The following MCTP1 variants were observed in gnomAD, a reference collection of about 807,000 sequenced individuals.
MCTP1 encodes the protein multiple C2 and transmembrane domain-containing protein 1.
A neutral mutation model predicts 120.6 loss-of-function variants in MCTP1; 69 were observed. The observed-to-expected ratio is 0.57, with a 90% CI of 0.47 to 0.70. The LOEUF (loss-of-function observed/expected upper bound fraction) is 0.70. Ranked by LOEUF, MCTP1 falls within the 30% of genes least tolerant of loss-of-function variation. MCTP1 has a pLI of 0.00. For synonymous variants in MCTP1, 529 were observed against 493.1 expected (o/e 1.07, Z -0.96); for missense variants, 1,203 against 1,248.8 (o/e 0.96, Z 0.55).
intron 1 of MCTP1, among the ~76,000 whole-genome samples, chr5:95,155,360 T>G (rs949766844): frequency 2.6e-5 from 4 of 152,168 alleles, no homozygotes; most frequent in African/African-American, 4.8e-5. Flanking sequence ...AATGAAGGAT[T>G]TAGGCAAGAT....
At chr5:94,720,070 G>A (rs969734634) in intron 19 of MCTP1, among the ~76,000 whole-genome samples, 21 of 152,142 alleles carry the variant, frequency 1.4e-4, no homozygotes, top group Admixed American at 6.5e-4. Flanking sequence ...AGGTTGCGGT[G>A]AGCTGAGATC....
At chr5:94,749,162 AT>A (rs1767629780) in intron 19 of MCTP1, among the ~76,000 whole-genome samples, 1 of 152,136 alleles carries the variant, frequency 6.6e-6, no homozygotes, top group South Asian at 2.1e-4. Flanking sequence ...AGCCTGTAAA[AT>A]TTTTGCTAGG....
chr5:95,236,805 G>A (rs1055615531), intron 1 of MCTP1, among the ~76,000 whole-genome samples: 1 of 152,142 alleles, frequency 6.6e-6, no homozygotes, highest in Admixed American at 6.5e-5. Context: ...GTCATCCTGT[G>A]ACCATAGAGG....
At chr5:95,161,477 A>C (rs1256884871) in intron 1 of MCTP1, among the ~76,000 whole-genome samples, 1 of 152,122 alleles carries the variant, frequency 6.6e-6, no homozygotes, top group East Asian at 1.9e-4. Flanking sequence ...TGTTGATCAA[A>C]GGGTGCAAAG....
chr5:94,706,444 ATT>A lies in MCTP1; in HGVS notation c.*1050_*1051del. On this transcript the variant is annotated 3_prime_UTR_variant, in exon 23 of 23. Transcript: ENST00000515393. Reference sequence around the variant, plus strand: ...AGGTTTTCATGCATAATCAAGAATGATTTTTTTTAATAAATGAATGTAGTGAA... The same window carrying A: ...AGGTTTTCATGCATAATCAAGAATGATTTTTTAATAAATGAATGTAGTGAA... 6.6e-6 allele frequency: 1 copy of A among 151,396 alleles called. No homozygotes were observed. The highest frequency in any genetic ancestry group is 2.1e-4 in the South Asian group (1 of 4,814). The allele number at this position is 151,396 out of a possible 1,614,324, so 9.4% of individuals were successfully genotyped here.
chr5:94,921,134 A>T (rs974882168), intron 7 of MCTP1, among the ~76,000 whole-genome samples: 1 of 152,242 alleles, frequency 6.6e-6, no homozygotes, highest in Admixed American at 6.5e-5. Context: ...CACTGCACTA[A>T]GTTCCCACCT....
chr5:94,918,006 G>T (rs763296783), intron 7 of MCTP1, 33 bp from the exon 8 acceptor site: 13 of 1,568,284 alleles, frequency 8.3e-6, no homozygotes, highest in Middle Eastern at 1.7e-4. Flanking sequence ...AGCTGTACGG[G>T]GAAGCTTTGT....
intron 1 of MCTP1, among the ~76,000 whole-genome samples, chr5:95,130,517 G>GT (rs1317057658): frequency 1.3e-5 from 2 of 152,216 alleles, no homozygotes; most frequent in African/African-American, 2.4e-5. Context: ...ATTTTTCAGT[G>GT]TATTAGTTTG....
At chr5:94,870,049 A>G (rs1797536801) in intron 16 of MCTP1, among the ~76,000 whole-genome samples, 1 of 152,050 alleles carries the variant, frequency 6.6e-6, no homozygotes, top group Admixed American at 6.6e-5. Flanking sequence ...ATATATTTGT[A>G]CCTCAGCTTT....
chr5:95,081,531 C>A, intron 1 of MCTP1: 2 of 1,576,722 alleles, frequency 1.3e-6, no homozygotes, highest in Non-Finnish European at 1.7e-6. Flanking sequence ...GAGAGAACTG[C>A]ATATTTAGAC....
At chr5:94,768,407 A>G (rs1773293379) in intron 19 of MCTP1, among the ~76,000 whole-genome samples, 1 of 152,168 alleles carries the variant, frequency 6.6e-6, no homozygotes, top group African/African-American at 2.4e-5. Context: ...GACAAACAGG[A>G]CTATATTAGA....
chr5:95,225,097 C>A (rs1440922885), intron 1 of MCTP1, among the ~76,000 whole-genome samples: 2 of 151,958 alleles, frequency 1.3e-5, no homozygotes, highest in African/African-American at 2.4e-5. Flanking sequence ...AAATAAATTT[C>A]TCATCATTTC....
chr5:94,969,610 GA>G (rs1322822260), intron 2 of MCTP1, among the ~76,000 whole-genome samples: 1 of 151,874 alleles, frequency 6.6e-6, no homozygotes, highest in Non-Finnish European at 1.5e-5. Context: ...GGAGGAATAA[GA>G]AAAAAGACAA....
At chr5:95,271,114 A>G (rs1274728186) in intron 1 of MCTP1, among the ~76,000 whole-genome samples, 1 of 152,216 alleles carries the variant, frequency 6.6e-6, no homozygotes, top group Non-Finnish European at 1.5e-5. Context: ...CATCAGATAT[A>G]TGCTCCTAGA....
intron 19 of MCTP1, among the ~76,000 whole-genome samples, chr5:94,732,286 C>T (rs971576962): frequency 1.3e-5 from 2 of 152,120 alleles, no homozygotes; most frequent in African/African-American, 4.8e-5. Flanking sequence ...TGACTCAACA[C>T]AACTTCGTAA....
At chr5:94,818,034 A>C (rs960098486) in intron 17 of MCTP1, among the ~76,000 whole-genome samples, 17 of 152,242 alleles carry the variant, frequency 1.1e-4, no homozygotes, top group African/African-American at 3.9e-4. Flanking sequence ...GAACAGTGAG[A>C]CTCAACTGTG....
intron 1 of MCTP1, among the ~76,000 whole-genome samples, chr5:95,059,483 T>C (rs1372845254): frequency 6.6e-6 from 1 of 151,966 alleles, no homozygotes; most frequent in Non-Finnish European, 1.5e-5. Flanking sequence ...ACCTAGGTAA[T>C]GGGATTATTT....
chr5:94,996,010 G>A (rs1164250751), intron 2 of MCTP1, among the ~76,000 whole-genome samples: 1 of 152,024 alleles, frequency 6.6e-6, no homozygotes, highest in Non-Finnish European at 1.5e-5. Context: ...ATTCTTTTTG[G>A]TTCACTTAAT....
chr5:94,707,414 A>G lies in MCTP1; in HGVS notation c.*82T>C, dbSNP rs1423369795. The G allele has an allele frequency of 1.9e-6, 2 of 1,059,972 alleles. No individual in the cohort carries two copies. The highest frequency in any genetic ancestry group is 2.4e-5 in the East Asian group (1 of 42,046). 65.7% of individuals were successfully genotyped at this position (1,059,972 alleles called of 1,614,324 possible). ...AAGGCAAAATAAATAAAAAGCAGAA[A>G]GAAAGGAAATGCTGCTGAGGCTGAG... On this transcript the variant is annotated 3_prime_UTR_variant, in exon 23 of 23. Transcript: ENST00000515393.
Sources: allele counts gnomAD v4.1 joint callset (sites outside exome capture counted in the v4.1 genomes callset), GRCh38; gene constraint gnomAD v4.1.1; transcripts MANE v1.5; gene names NCBI Gene and HGNC (gene_info 2026-07-23, HGNC 2026-07-21).